Variants in IGF1R observed in about 807,000 individuals in gnomAD.
IGF1R encodes the protein insulin-like growth factor 1 receptor.
IGF1R carries 44 observed loss-of-function variants against 144.6 expected under a neutral mutation model. The observed-to-expected ratio is 0.30, with a 90% CI of 0.24 to 0.39. The LOEUF (loss-of-function observed/expected upper bound fraction) is 0.39, where lower values mean the gene tolerates loss of function less well. Among genes scored for constraint, IGF1R ranks in the 10% least tolerant of loss-of-function variants. The probability of loss-of-function intolerance (pLI) is 1.00; values close to 1 mark genes in which losing one functional copy is unlikely to be tolerated. For synonymous variants in IGF1R, 795 were observed against 722.8 expected (o/e 1.10, Z -1.60); for missense variants, 1,355 against 1,833.7 (o/e 0.74, Z 4.77).
chr15:98,875,227 AT>A (rs1231623826), intron 2 of IGF1R, among the ~76,000 whole-genome samples: 1 of 148,094 alleles, frequency 6.8e-6, no homozygotes, highest in Non-Finnish European at 1.5e-5. Context: ...AAAAAAAAAA[AT>A]GAAACATTTT....
At chr15:98,662,737 A>G (rs1763413079) in intron 1 of IGF1R, among the ~76,000 whole-genome samples, 1 of 152,088 alleles carries the variant, frequency 6.6e-6, no homozygotes. Context: ...GAGAAGCTTT[A>G]AGGAGGATGT....
At chr15:98,788,090 G>GTA (rs2056047008) in intron 2 of IGF1R, among the ~76,000 whole-genome samples, 1 of 151,788 alleles carries the variant, frequency 6.6e-6, no homozygotes, top group Non-Finnish European at 1.5e-5. Flanking sequence ...GTGTGTGTGT[G>GTA]TGTAAATAGT....
chr15:98,771,235 T>C (rs2055576193), intron 2 of IGF1R, among the ~76,000 whole-genome samples: 1 of 152,172 alleles, frequency 6.6e-6, no homozygotes, highest in African/African-American at 2.4e-5. Context: ...TACCCCCTGC[T>C]GCTCCTGTTT....
chr15:98,827,141 A>C (rs1330168470), intron 2 of IGF1R, among the ~76,000 whole-genome samples: 1 of 152,130 alleles, frequency 6.6e-6, no homozygotes, highest in Non-Finnish European at 1.5e-5. Context: ...CTGCCCCCCA[A>C]CTCCGAATCA....
At position 98,908,674 on chromosome 15, in the gene IGF1R, T is replaced by A; in HGVS notation, c.1248-11T>A. On this transcript the variant is annotated splice_polypyrimidine_tract_variant and intron_variant, in intron 5 of 20. Coordinates refer to ENST00000650285, the MANE Select transcript of IGF1R (RefSeq NM_000875.5). ...GGGCAGGTGCGCTAACATCGATTTCTGTGCTTCTAGGAATTACTCCTTCTA... is the reference window on the plus strand; with the variant it reads ...GGGCAGGTGCGCTAACATCGATTTCAGTGCTTCTAGGAATTACTCCTTCTA... The A allele has an allele frequency of 6.2e-7, 1 of 1,612,384 alleles. No homozygotes were observed. The highest frequency in any genetic ancestry group is 8.5e-7 in the Non-Finnish European group (1 of 1,178,802).
Position 98,659,087 on chromosome 15 carries a change from A to G in IGF1R, c.94+9412A>G, listed in dbSNP as rs568565455. Among the ~76,000 whole-genome samples, 6 of 152,364 alleles carry G rather than the reference A, an allele frequency of 3.9e-5. No individual in the cohort carries two copies. In the South Asian group the frequency reaches 1.0e-3, roughly 26 times the overall value. On this transcript the variant is annotated intron_variant, in intron 1 of 20. Coordinates refer to ENST00000650285, the MANE Select transcript of IGF1R (RefSeq NM_000875.5). ...CCTCGAACAGAGATGTTCTTTGGATAGAAATATAAGGCTTACTTGATGTTT... is the reference window on the plus strand; with the variant it reads ...CCTCGAACAGAGATGTTCTTTGGATGGAAATATAAGGCTTACTTGATGTTT...
chr15:98,863,708 AAGG>A (rs1276644244), intron 2 of IGF1R, among the ~76,000 whole-genome samples: 1 of 152,202 alleles, frequency 6.6e-6, no homozygotes, highest in African/African-American at 2.4e-5. Context: ...TCTCCCTACA[AAGG>A]AGGTGAAGAA....
chr15:98,872,732 A>G (rs1247259858), intron 2 of IGF1R, among the ~76,000 whole-genome samples: 1 of 152,180 alleles, frequency 6.6e-6, no homozygotes, highest in Non-Finnish European at 1.5e-5. Flanking sequence ...CTAACCCGAG[A>G]GTCCCTGTTC....
intron 2 of IGF1R, among the ~76,000 whole-genome samples, chr15:98,883,531 T>C (rs914262018): frequency 2.6e-5 from 4 of 152,348 alleles, no homozygotes; most frequent in African/African-American, 9.6e-5. Context: ...CTGAGAAGCC[T>C]GTGCTCACCG....
At chr15:98,936,731 T>A (rs1272984024) in intron 17 of IGF1R, among the ~76,000 whole-genome samples, 1 of 152,090 alleles carries the variant, frequency 6.6e-6, no homozygotes, top group East Asian at 1.9e-4. Context: ...TTGCAGCACA[T>A]GGTGTTTGGG....
chr15:98,922,576 G>A (rs912813544), intron 11 of IGF1R, 145 bp downstream of exon 11: 1 of 932,180 alleles, frequency 1.1e-6, no homozygotes, highest in Non-Finnish European at 1.7e-6. Context: ...TCATTGGCAG[G>A]TGGCGTGTAG....
intron 2 of IGF1R, among the ~76,000 whole-genome samples, chr15:98,849,085 AAAAC>A (rs566946511): frequency 4.2e-4 from 64 of 152,340 alleles, no homozygotes; most frequent in African/African-American, 6.7e-4. Context: ...CATTAAAACA[AAAAC>A]AAACAAACAA....
chr15:98,690,463 A>T (rs981725519), intron 1 of IGF1R, among the ~76,000 whole-genome samples: 2 of 152,234 alleles, frequency 1.3e-5, no homozygotes, highest in African/African-American at 4.8e-5. Flanking sequence ...CCCAAGGGTA[A>T]GCTTTGCAGA....
At chr15:98,686,127 C>G (rs563891684) in intron 1 of IGF1R, among the ~76,000 whole-genome samples, 1 of 152,202 alleles carries the variant, frequency 6.6e-6, no homozygotes, top group Non-Finnish European at 1.5e-5. Context: ...TAAGTGGACT[C>G]GTACACTATT....
intron 2 of IGF1R, among the ~76,000 whole-genome samples, chr15:98,882,206 G>A (rs977937430): frequency 6.6e-5 from 10 of 152,218 alleles, no homozygotes; most frequent in East Asian, 1.9e-4. Flanking sequence ...AGCCGTGACC[G>A]TCATCTTGGA....
chr15:98,865,485 C>T (rs1296359599), intron 2 of IGF1R, among the ~76,000 whole-genome samples: 5 of 152,236 alleles, frequency 3.3e-5, no homozygotes, highest in South Asian at 2.1e-4. Flanking sequence ...CACGTGACTG[C>T]GCCCCGGCCA....
chr15:98,933,702 T>C (rs1486253293), intron 15 of IGF1R, among the ~76,000 whole-genome samples: 4 of 152,208 alleles, frequency 2.6e-5, no homozygotes, highest in Admixed American at 2.0e-4. Context: ...GCTTGGTATC[T>C]ACTGTGCATT....
chr15:98,872,762 C>T (rs1385148784), intron 2 of IGF1R, among the ~76,000 whole-genome samples: 3 of 152,044 alleles, frequency 2.0e-5, no homozygotes, highest in Non-Finnish European at 4.4e-5. Context: ...CACAGCCTGC[C>T]ATCCCCATGC....
intron 2 of IGF1R, among the ~76,000 whole-genome samples, chr15:98,797,835 A>G (rs1007598190): frequency 4.7e-5 from 7 of 149,618 alleles, no homozygotes; most frequent in African/African-American, 1.8e-4. Context: ...AAACAAGTAG[A>G]CAGAAAATAA....
Sources: gnomAD v4.1 joint callset for allele counts (sites outside exome capture counted in the v4.1 genomes callset) on GRCh38, gnomAD v4.1.1 for gene constraint, MANE v1.5 for transcripts, NCBI Gene and HGNC (gene_info 2026-07-23, HGNC 2026-07-21) for gene names.